The following NEB variants were observed in gnomAD, a reference collection of about 807,000 sequenced individuals.
NEB encodes the protein nemaline myopathy type 2.
In NEB, 512 loss-of-function variants were observed where a neutral mutation model predicts 952.2. The observed-to-expected ratio is 0.54, with a 90% CI of 0.50 to 0.58. NEB has a LOEUF of 0.58. Among genes scored for constraint, NEB ranks in the 20% least tolerant of loss-of-function variants. NEB has a pLI of 0.00. For missense variants in NEB, 8,428 were observed against 9,231.1 expected, an observed-to-expected ratio of 0.91 and a Z score of 3.56; for synonymous variants, 2,900 against 3,149.8, an observed-to-expected ratio of 0.92 and a Z score of 2.66.
At position 151,638,797 on chromosome 2, in the gene NEB, TTC is replaced by T. The variant is rs200433466; in HGVS notation, c.8994+481_8994+482del. Among the ~76,000 whole-genome samples, 776 of 99,052 alleles carry T rather than the reference TTC, an allele frequency of 7.8e-3. 2 individuals carry two copies. The highest frequency in any genetic ancestry group is 0.034 in the East Asian group (113 of 3,284). The allele number at this position is 99,052 out of a possible 152,430, so 65.0% of individuals were successfully genotyped here. On this transcript the variant is annotated intron_variant, in intron 63 of 181. Coordinates refer to ENST00000397345, the MANE Select transcript of NEB (RefSeq NM_001164508.2). The stretch of plus-strand genomic sequence containing the variant: ...TGCTAATATTTACACTGACAGATAT[TTC>T]TCTCTCTCTGTGTGTGTGTGTGTGT...
At chr2:151,539,849 G>A (rs1478810089) in intron 138 of NEB, among the ~76,000 whole-genome samples, 1 of 152,176 alleles carries the variant, frequency 6.6e-6, no homozygotes, top group Non-Finnish European at 1.5e-5. Context: ...CATTTTCTGA[G>A]TAACTAGGAG....
chr2:151,634,087 C>T, intron 64 of NEB, 122 bp from the exon 65 acceptor site: 1 of 1,146,534 alleles, frequency 8.7e-7, no homozygotes, highest in Non-Finnish European at 1.2e-6. Flanking sequence ...CTAACTCAAG[C>T]CAGTATCCTG....
At position 151,727,711 on chromosome 2, in the gene NEB, T is replaced by C. The variant is rs1251772683; in HGVS notation, c.274A>G (p.Met92Val). Residue 92 changes from methionine (M) to valine (V), a missense_variant, in exon 5 of 182, where the codon ATG becomes GTG. This residue lies in a region of NEB where 2,851 missense variants were observed against 2,791.5 expected (regional missense o/e 1.02). Transcript: ENST00000397345. ...MTPYIAHSQK[M>V]QDLFSPNKYK... ...CTTACTGGGCTAAAAAGATCCTGCA[T>C]TTTCTGACTGTGTGCAATGTAGGGG... The C allele has an allele frequency of 4.3e-6, 7 of 1,613,158 alleles. No homozygotes were observed. Among genetic ancestry groups the C allele is most frequent in the Non-Finnish European group, 5.9e-6 (7 of 1,179,334 alleles).
rs370016228 is a variant in NEB, at chr2:151,551,699, C to T, written c.19944+39G>A. 79 of 1,503,884 alleles carry T rather than the reference C, an allele frequency of 5.3e-5. 1 individual carries two copies. The highest frequency in any genetic ancestry group is 3.3e-4 in the African/African-American group (24 of 72,456). 93.2% of individuals were successfully genotyped at this position (1,503,884 alleles called of 1,614,324 possible). On this transcript the variant is annotated intron_variant, in intron 129 of 181. Transcript: ENST00000397345. ...CTTGCTTCCACAGAGGCTGATGGAA[C>T]GGATTTCTGCTGGGCACTCTCAAGT...
At position 151,640,008 on chromosome 2, in the gene NEB, A is replaced by G. The variant is rs368373064; in HGVS notation, c.8738T>C (p.Ile2913Thr). The part of the protein sequence containing the change: ...QWMRGIGWVS[I>T]GSLDVEKCKR... ...GCATTTTTCCACATCCAAAGAGCCA[A>G]TGGACACCCAGCCAATGCCTCTCAT... Residue 2913 changes from isoleucine (I) to threonine (T), a missense_variant, in exon 62 of 182, where the codon ATT becomes ACT. Around this residue, in one of 11 missense-constraint regions of NEB, gnomAD observed 1,772 missense variants for 1,960.3 expected, o/e 0.90. Transcript: ENST00000397345. 48 of 1,613,858 alleles carry G rather than the reference A, an allele frequency of 3.0e-5. No individual in the cohort carries two copies. Among genetic ancestry groups the G allele is most frequent in the Admixed American group, 3.3e-5 (2 of 60,004 alleles).
In NEB at chr2:151,645,599, T is replaced by C. The variant is rs180857062; in HGVS notation, c.7536+531A>G. ...TTTATCTGTCAGTCCTTCGTGGAACTACTTTAATACATTCTTTAATGTTAA... is the reference window on the plus strand; with the variant it reads ...TTTATCTGTCAGTCCTTCGTGGAACCACTTTAATACATTCTTTAATGTTAA... On this transcript the variant is annotated intron_variant, in intron 55 of 181. Transcript: ENST00000397345. Among the ~76,000 whole-genome samples the C allele has an allele frequency of 1.4e-3, 217 of 152,364 alleles. 1 individual carries two copies. The highest frequency in any genetic ancestry group is 5.0e-3 in the African/African-American group (208 of 41,594).
rs376984481 is a variant in NEB, at chr2:151,489,985, G to C, written c.25390C>G (p.Pro8464Ala). ...QTTVSSIPSH[P>A]STAGKIFRAM... is the part of the protein sequence containing the mutation. ...TATTCACTTACTCCAGCAGTAGATG[G>C]ATGAGATGGGATGGAAGATACCGTT... Residue 8464 changes from proline to alanine, a missense_variant, in exon 181 of 182, where the codon CCA (proline) becomes GCA (alanine). By Grantham distance (27) the Pro-to-Ala change is conservative. Transcript: ENST00000397345. The C allele has an allele frequency of 9.7e-5, 156 of 1,600,524 alleles. No homozygotes were observed. Among genetic ancestry groups the C allele is most frequent in the Non-Finnish European group, 1.3e-4 (156 of 1,167,706 alleles).
rs2049711717 is a variant in NEB at position 151,485,659 on chromosome 2, C to T, written c.*101G>A. On this transcript the variant is annotated 3_prime_UTR_variant, in exon 182 of 182. Transcript: ENST00000397345. ...ATAAATCACATTGACACAGAAAAACCATAGGCAGCTTGAGAACTTAGGTAA... is the reference window on the plus strand; with the variant it reads ...ATAAATCACATTGACACAGAAAAACTATAGGCAGCTTGAGAACTTAGGTAA... 1 of 1,178,578 alleles carries T rather than the reference C, an allele frequency of 8.5e-7. No homozygotes were observed. The highest frequency in any genetic ancestry group is 2.4e-5 in the Admixed American group (1 of 42,318). The allele number at this position is 1,178,578 out of a possible 1,614,324, so 73.0% of individuals were successfully genotyped here.
At position 151,682,648 on chromosome 2, in the gene NEB, C is replaced by T. The variant is rs756509531; in HGVS notation, c.2943+14G>A. On this transcript the variant is annotated intron_variant, in intron 29 of 181. Transcript: ENST00000397345. ...CAGTCACCACTCTCCCTCTGACACA[C>T]CCAGTGGCTTTACCTCATTGAGGAT... 1.6e-5 allele frequency: 25 copies of T among 1,592,888 alleles called. No homozygotes were observed. Among genetic ancestry groups the T allele is most frequent in the Non-Finnish European group, 2.1e-5 (24 of 1,162,640 alleles).
intron 124 of NEB, among the ~76,000 whole-genome samples, chr2:151,559,417 T>C (rs577654358): frequency 5.8e-4 from 89 of 152,288 alleles, no homozygotes; most frequent in South Asian, 1.2e-3. Context: ...GAAATACCAT[T>C]TGACCCAGCA....
chr2:151,520,736 C>T (rs1469198751), intron 153 of NEB, among the ~76,000 whole-genome samples: 1 of 151,788 alleles, frequency 6.6e-6, no homozygotes, highest in African/African-American at 2.4e-5. Context: ...TTGTGGTGCA[C>T]CCCTGTAGTC....
chr2:151,547,319 G>A, intron 133 of NEB, 110 bp downstream of exon 133: 1 of 784,098 alleles, frequency 1.3e-6, no homozygotes, highest in South Asian at 1.7e-5. Context: ...TCTTTGTTTA[G>A]AAGTGCTTAT....
At chr2:151,573,524 T>C (rs1024908339) in intron 107 of NEB, among the ~76,000 whole-genome samples, 1 of 152,086 alleles carries the variant, frequency 6.6e-6, no homozygotes, top group Non-Finnish European at 1.5e-5. Flanking sequence ...AAAGAGAAAA[T>C]ACATCAGCGC....
In NEB at chr2:151,567,322, T is replaced by C. The variant is rs921572709; in HGVS notation, c.18002A>G (p.Asn6001Ser). The C allele has an allele frequency of 4.2e-5, 68 of 1,613,924 alleles. No homozygotes were observed. The East Asian group carries it at 1.5e-3, about 36-fold the overall frequency. The change falls in exon 114 of 182, where the codon AAT becomes AGT. Residue 6001 changes from asparagine (N) to serine (S), a missense_variant. Asn to Ser is a conservative substitution (Grantham distance 46). Transcript: ENST00000397345. Reference protein sequence around the residue: ...EDYHKTKAKINIPADMVSVLA... With the variant: ...EDYHKTKAKISIPADMVSVLA... ...GACTGACACCATATCAGCAGGTATA[T>C]TGATTTTGGCCTTTGTTTTGTGATA...
At chr2:151,505,998 C>T (rs2068593783) in intron 164 of NEB, 168 bp downstream of exon 164, 3 of 667,546 alleles carry the variant, frequency 4.5e-6, no homozygotes, top group Non-Finnish European at 8.1e-6. Context: ...CAAGGCACTG[C>T]ACTGAATATG....
intron 114 of NEB, among the ~76,000 whole-genome samples, 180 bp from the exon 115 acceptor site, chr2:151,566,000 T>C (rs2096363894): frequency 6.6e-6 from 1 of 152,236 alleles, no homozygotes; most frequent in South Asian, 2.1e-4. Context: ...CATGAGGCAC[T>C]ATGCTTGGTG....
chr2:151,618,637 A>G (rs2098285383), intron 73 of NEB, among the ~76,000 whole-genome samples, 159 bp from the exon 74 acceptor site: 1 of 151,550 alleles, frequency 6.6e-6, no homozygotes, highest in Non-Finnish European at 1.5e-5. Flanking sequence ...TCCTAAGTGT[A>G]TTTTTTTTTC....
chr2:151,664,431 A>T, intron 44 of NEB, 70 bp downstream of exon 44: 1 of 1,163,958 alleles, frequency 8.6e-7, no homozygotes, highest in Non-Finnish European at 1.2e-6. Flanking sequence ...CACTGCTCCT[A>T]CATACACACA....
chr2:151,540,804 G>T lies in NEB; in HGVS notation c.20683-3C>A. On this transcript the variant is annotated splice_region_variant and splice_polypyrimidine_tract_variant and intron_variant, in intron 136 of 181. Transcript: ENST00000397345. ...GTGGCAAGTTCAACATACAGATACT[G>T]AATAATAGAAGAAAGTGAGGTGTCA... 6.2e-7 allele frequency: 1 copy of T among 1,605,480 alleles called. No homozygotes were observed. The highest frequency in any genetic ancestry group is 1.7e-5 in the Admixed American group (1 of 59,976).
Sources: gnomAD v4.1 joint callset for allele counts (sites outside exome capture counted in the v4.1 genomes callset) on GRCh38, gnomAD v4.1.1 for gene constraint, gnomAD v4.1.1 regional missense constraint, MANE v1.5 for transcripts, NCBI Gene and HGNC (gene_info 2026-07-23, HGNC 2026-07-21) for gene names.